The following SYT2 variants were observed in gnomAD, a reference collection of about 807,000 sequenced individuals.
SYT2 encodes the protein synaptotagmin-2.
In SYT2, 15 loss-of-function variants were observed where a neutral mutation model predicts 39.9. That is an observed-to-expected ratio of 0.38 (90% CI 0.25 to 0.58). The LOEUF is 0.58. SYT2 is among the 20% of genes least tolerant of loss of function. The pLI, the probability that SYT2 is intolerant of heterozygous loss-of-function variation, is 0.70. For synonymous variants in SYT2, 181 were observed against 204.5 expected (o/e 0.89, Z 0.98); for missense variants, 389 against 530.3 (o/e 0.73, Z 2.62).
intron 1 of SYT2, among the ~76,000 whole-genome samples, chr1:202,694,390 C>T (rs2149118688): frequency 6.6e-6 from 1 of 152,246 alleles, no homozygotes; most frequent in East Asian, 1.9e-4. Flanking sequence ...GGCTTGCTGG[C>T]AGGGCAAATG....
intron 1 of SYT2, among the ~76,000 whole-genome samples, chr1:202,683,240 G>T (rs1212016409): frequency 1.3e-5 from 2 of 152,128 alleles, no homozygotes; most frequent in African/African-American, 4.8e-5. Flanking sequence ...TTCCCAAAAG[G>T]CATGACAAGT....
intron 1 of SYT2, among the ~76,000 whole-genome samples, chr1:202,690,719 G>A (rs1187156750): frequency 1.3e-5 from 2 of 152,192 alleles, no homozygotes; most frequent in African/African-American, 2.4e-5. Flanking sequence ...CACTGAATAA[G>A]GCACTGGGTT....
chr1:202,683,625 C>A (rs572874729), intron 1 of SYT2, among the ~76,000 whole-genome samples: 1 of 151,868 alleles, frequency 6.6e-6, no homozygotes, highest in African/African-American at 2.4e-5. Context: ...CCTGTGGTCC[C>A]AGCTACTTGG....
chr1:202,673,649 T>C (rs919728654), intron 1 of SYT2, among the ~76,000 whole-genome samples: 1 of 152,170 alleles, frequency 6.6e-6, no homozygotes, highest in Admixed American at 6.5e-5. Context: ...CCAGGAAGAC[T>C]TGCCCGCACA....
intron 1 of SYT2, among the ~76,000 whole-genome samples, chr1:202,622,797 A>T (rs1343133601): frequency 6.6e-6 from 1 of 152,180 alleles, no homozygotes; most frequent in Non-Finnish European, 1.5e-5. Flanking sequence ...TTTCTCTCTG[A>T]ACCTAGACCC....
chr1:202,695,294 G>A (rs1051888004), intron 1 of SYT2, among the ~76,000 whole-genome samples: 7 of 152,104 alleles, frequency 4.6e-5, no homozygotes, highest in Admixed American at 6.6e-5. Context: ...CCCTTGGGAG[G>A]GCATCTGACC....
At chr1:202,598,667 C>T (rs911476786) in intron 8 of SYT2, among the ~76,000 whole-genome samples, 1 of 152,210 alleles carries the variant, frequency 6.6e-6, no homozygotes, top group Non-Finnish European at 1.5e-5. Flanking sequence ...CTACCACGTC[C>T]AGATCCCACT....
At chr1:202,663,971 A>G (rs758170895) in intron 1 of SYT2, among the ~76,000 whole-genome samples, 45 of 152,146 alleles carry the variant, frequency 3.0e-4, no homozygotes, top group Non-Finnish European at 2.5e-4. Context: ...CCAGGATTCC[A>G]CAAGCACAGT....
chr1:202,629,775 G>A (rs1691518930), intron 1 of SYT2, among the ~76,000 whole-genome samples: 1 of 151,312 alleles, frequency 6.6e-6, no homozygotes, highest in South Asian at 2.1e-4. Context: ...AGGCTGAGGT[G>A]GGAGAATCAC....
chr1:202,644,873 G>A (rs1009831901), intron 1 of SYT2, among the ~76,000 whole-genome samples: 2 of 125,486 alleles, frequency 1.6e-5, no homozygotes, highest in African/African-American at 6.0e-5. Flanking sequence ...CCTCACTCCC[G>A]AAGAAGCCGG....
At chr1:202,633,404 T>C (rs1412031700) in intron 1 of SYT2, among the ~76,000 whole-genome samples, 1 of 145,186 alleles carries the variant, frequency 6.9e-6, no homozygotes, top group Non-Finnish European at 1.5e-5. Context: ...GGTGGCTTTT[T>C]TCTGGCTGAG....
At chr1:202,624,999 CTT>C (rs1195856940) in intron 1 of SYT2, among the ~76,000 whole-genome samples, 4 of 7,622 alleles carry the variant, frequency 5.2e-4, no homozygotes, top group East Asian at 7.3e-3. Flanking sequence ...TGGTGTGTGT[CTT>C]TGTGGTGTGG....
intron 1 of SYT2, among the ~76,000 whole-genome samples, chr1:202,686,684 G>A (rs1160907294): frequency 3.3e-5 from 5 of 152,072 alleles, no homozygotes; most frequent in Non-Finnish European, 5.9e-5. Context: ...CCCACCCTCT[G>A]TCATTCCTAC....
At chr1:202,675,019 C>T (rs1012950592) in intron 1 of SYT2, among the ~76,000 whole-genome samples, 3 of 152,160 alleles carry the variant, frequency 2.0e-5, no homozygotes, top group Admixed American at 2.0e-4. Flanking sequence ...CAAGAAAATG[C>T]CAGGTGCTCA....
intron 1 of SYT2, among the ~76,000 whole-genome samples, chr1:202,676,978 T>C (rs923335614): frequency 6.6e-5 from 10 of 152,144 alleles, no homozygotes; most frequent in Non-Finnish European, 8.8e-5. Flanking sequence ...ATCCGATTGT[T>C]TGAAAGAGTG....
At chr1:202,673,463 A>T (rs1389275435) in intron 1 of SYT2, among the ~76,000 whole-genome samples, 1 of 152,208 alleles carries the variant, frequency 6.6e-6, no homozygotes, top group Non-Finnish European at 1.5e-5. Flanking sequence ...CATACTCTGA[A>T]AAGTTTGGAG....
chr1:202,657,955 G>A (rs1400296011), intron 1 of SYT2, among the ~76,000 whole-genome samples: 1 of 152,036 alleles, frequency 6.6e-6, no homozygotes, highest in Non-Finnish European at 1.5e-5. Context: ...CCCCTTCCTG[G>A]GGACCCTCTC....
chr1:202,677,572 T>C (rs1343844724), intron 1 of SYT2, among the ~76,000 whole-genome samples: 1 of 152,170 alleles, frequency 6.6e-6, no homozygotes, highest in East Asian at 1.9e-4. Flanking sequence ...GAATGAGCTA[T>C]GTTGAAAGTA....
At chr1:202,609,748 G>A (rs1690834817) in intron 1 of SYT2, among the ~76,000 whole-genome samples, 1 of 152,000 alleles carries the variant, frequency 6.6e-6, no homozygotes, top group African/African-American at 2.4e-5. Context: ...TTTTTTTCTT[G>A]TAAATTTGTT....
Sources: allele counts gnomAD v4.1 joint callset (sites outside exome capture counted in the v4.1 genomes callset), GRCh38; gene constraint gnomAD v4.1.1; transcripts MANE v1.5; gene names NCBI Gene and HGNC (gene_info 2026-07-23, HGNC 2026-07-21).